Variants in HSP90B1 observed in about 807,000 individuals in gnomAD.
HSP90B1 encodes the protein heat shock protein 90 beta family member 1, also known as endoplasmin.
In HSP90B1, 27 loss-of-function variants were observed where a neutral mutation model predicts 100.4. That is an observed-to-expected ratio of 0.27 (90% CI 0.20 to 0.37). The LOEUF (loss-of-function observed/expected upper bound fraction) is 0.37, where lower values mean the gene tolerates loss of function less well. Among genes scored for constraint, HSP90B1 ranks in the 10% least tolerant of loss-of-function variants. HSP90B1 has a pLI of 1.00. For synonymous variants in HSP90B1, 304 were observed against 330.8 expected, an observed-to-expected ratio of 0.92 and a Z score of 0.88; for missense variants, 678 against 960.5, an observed-to-expected ratio of 0.71 and a Z score of 3.89.
intron 5 of HSP90B1, among the ~76,000 whole-genome samples, chr12:103,937,244 A>C (rs1465311175): frequency 6.6e-6 from 1 of 152,234 alleles, no homozygotes; most frequent in Non-Finnish European, 1.5e-5. Context: ...GATAGTGCAG[A>C]TATAAATATA....
chr12:103,946,610 CTT>C lies in HSP90B1; in HGVS notation c.2028-7_2028-6del. On this transcript the variant is annotated splice_region_variant and splice_polypyrimidine_tract_variant and intron_variant, in intron 14 of 17. Coordinates refer to ENST00000299767, the MANE Select transcript of HSP90B1 (RefSeq NM_003299.3). ...GTTTTGTTAATGTTCATTTTTATCT[CTT>C]AACAGTTACTATGCGAGTCAGAAGA... is the stretch of plus-strand genomic sequence containing the variant. The C allele has an allele frequency of 6.2e-7, 1 of 1,602,004 alleles. No individual in the cohort carries two copies. The highest frequency in any genetic ancestry group is 8.6e-7 in the Non-Finnish European group (1 of 1,169,488).
rs3794243 is a variant in HSP90B1 at position 103,930,840 on chromosome 12, G to A, written c.49+276G>A. Among the ~76,000 whole-genome samples the A allele has an allele frequency of 6.0e-4, 91 of 152,130 alleles. 7 individuals are homozygous for A. The East Asian group carries it at 0.016, about 26-fold the overall frequency. On this transcript the variant is annotated intron_variant, in intron 1 of 17. Transcript: ENST00000299767. The surrounding 1 kb of genome is among the most constrained non-coding windows in gnomAD (Gnocchi z 4.4). ...GGGGTGGGGCCTCTCTGAGGCTCTG[G>A]CTCCCCCGGGAGCTGTGCGAGTCCC...
At chr12:103,938,598 G>C in intron 7 of HSP90B1, 139 bp downstream of exon 7, 1 of 900,366 alleles carries the variant, frequency 1.1e-6, no homozygotes, top group East Asian at 2.6e-5. Context: ...TTTAAAATAA[G>C]GCCTTTGTTT....
In HSP90B1 at chr12:103,943,230, A is replaced by C; in HGVS notation, c.1801A>C (p.Ser601Arg). 1 of 1,614,228 alleles carries C rather than the reference A, an allele frequency of 6.2e-7. No homozygotes were observed. Among genetic ancestry groups the C allele is most frequent in the Non-Finnish European group, 8.5e-7 (1 of 1,180,034 alleles). The change falls in exon 13 of 18, where the codon AGT (serine) becomes CGT (arginine). Residue 601 changes from serine to arginine, a missense_variant. Around this residue, in one of 8 missense-constraint regions of HSP90B1, gnomAD observed 170 missense variants for 236.7 expected, o/e 0.72. Coordinates refer to ENST00000299767, the MANE Select transcript of HSP90B1 (RefSeq NM_003299.3). The surrounding 1 kb of genome is among the most constrained non-coding windows in gnomAD (Gnocchi z 5.3). ...VAKEGVKFDE[S>R]EKTKESREAV... ...CAAGGAAGGAGTGAAGTTCGATGAAAGTGAGAAAACTAAGGAGAGTCGTGA... is the reference window on the plus strand; with the variant it reads ...CAAGGAAGGAGTGAAGTTCGATGAACGTGAGAAAACTAAGGAGAGTCGTGA...
chr12:103,941,868 G>C lies in HSP90B1; in HGVS notation c.1345G>C (p.Glu449Gln). ...TGATCTCCCCTTGAATGTTTCCCGC[G>C]AGACTCTTCAGCAACATAAACTGCT... is the stretch of plus-strand genomic sequence containing the variant. Reference protein sequence around the residue: ...SDDLPLNVSRETLQQHKLLKV... With the variant: ...SDDLPLNVSRQTLQQHKLLKV... The change falls in exon 11 of 18, where the codon GAG becomes CAG. Residue 449 changes from glutamate (E) to glutamine (Q), a missense_variant. This residue lies in a region of HSP90B1 where 44 missense variants were observed against 110.8 expected (regional missense o/e 0.40). Transcript: ENST00000299767. 1 of 1,613,906 alleles carries C rather than the reference G, an allele frequency of 6.2e-7. No individual in the cohort carries two copies. The highest frequency in any genetic ancestry group is 8.5e-7 in the Non-Finnish European group (1 of 1,179,886).
chr12:103,941,424 C>T lies in HSP90B1; in HGVS notation c.1107C>T (p.Pro369=). The T allele has an allele frequency of 6.2e-7, 1 of 1,612,364 alleles. No individual in the cohort carries two copies. ...ACTTTCCACAGGAAAGTGATGACCCCATGGCTTATATTCACTTTACTGCTG... is the reference window on the plus strand; with the variant it reads ...ACTTTCCACAGGAAAGTGATGACCCTATGGCTTATATTCACTTTACTGCTG... The part of the protein sequence containing the change: ...YKSFSKESDD[P]MAYIHFTAEG... The change falls in exon 9 of 18, where the codon CCC becomes CCT. Residue 369 remains proline, a synonymous_variant. Coordinates refer to ENST00000299767, the MANE Select transcript of HSP90B1 (RefSeq NM_003299.3).
chr12:103,932,629 C>T (rs563904158), intron 3 of HSP90B1, among the ~76,000 whole-genome samples, 197 bp from the exon 4 acceptor site: 4 of 152,262 alleles, frequency 2.6e-5, no homozygotes, highest in Admixed American at 2.0e-4. Context: ...AATAGGTTCA[C>T]GGCCTGATAA....
rs1870022328 is a variant in HSP90B1, at chr12:103,939,698, A to G, written c.1092+73A>G. The G allele has an allele frequency of 8.5e-6, 6 of 708,200 alleles. No homozygotes were observed. The East Asian group carries it at 1.4e-4, about 17-fold the overall frequency. 43.9% of individuals were successfully genotyped at this position (708,200 alleles called of 1,614,324 possible). A position where few individuals can be genotyped will look rare whatever the true frequency, so the allele number is the denominator to read the frequency against. ...AATATCACCCTCTTAGTTTAATTGT[A>G]TATGGTATGTGACCATGAATATGAG... On this transcript the variant is annotated intron_variant, in intron 8 of 17. Transcript: ENST00000299767.
Position 103,943,497 on chromosome 12 carries a change from A to G in HSP90B1, c.1890+178A>G, listed in dbSNP as rs1015775893. On this transcript the variant is annotated intron_variant, in intron 13 of 17. Coordinates refer to ENST00000299767, the MANE Select transcript of HSP90B1 (RefSeq NM_003299.3). The surrounding 1 kb of genome is among the most constrained non-coding windows in gnomAD (Gnocchi z 5.3). ...AACTTTCGACAATACTGCTTTGTTA[A>G]TAACTTGTTACAAATTAAATTTTAT... 2.9e-6 allele frequency: 2 copies of G among 697,082 alleles called. No homozygotes were observed. The highest frequency in any genetic ancestry group is 2.2e-5 in the South Asian group (1 of 46,298). 43.2% of individuals were successfully genotyped at this position (697,082 alleles called of 1,614,324 possible).
At chr12:103,936,400 G>A (rs187434964) in intron 5 of HSP90B1, among the ~76,000 whole-genome samples, 17 of 152,148 alleles carry the variant, frequency 1.1e-4, no homozygotes, top group Admixed American at 6.5e-4. Context: ...CCAGCACCTC[G>A]GGAGGCTGAG....
rs200512715 is a variant in HSP90B1 at position 103,947,673 on chromosome 12, C to T, written c.*11C>T. 369 of 1,593,096 alleles carry T rather than the reference C, an allele frequency of 2.3e-4. No individual in the cohort carries two copies. Among genetic ancestry groups the T allele is most frequent in the African/African-American group, 1.3e-3 (100 of 74,392 alleles). ...AAAGATGAATTGTAAATTATACTCT[C>T]ACCATTTGGATCCTGTGTGGAGAGG... is the stretch of plus-strand genomic sequence containing the variant. On this transcript the variant is annotated 3_prime_UTR_variant, in exon 18 of 18. Coordinates refer to ENST00000299767, the MANE Select transcript of HSP90B1 (RefSeq NM_003299.3).
At chr12:103,934,362 C>T in intron 5 of HSP90B1, 75 bp downstream of exon 5, 1 of 1,167,806 alleles carries the variant, frequency 8.6e-7, no homozygotes, top group Non-Finnish European at 1.2e-6. Flanking sequence ...ATTCTCTGAG[C>T]AAATGACTTA....
At chr12:103,939,025 A>C (rs1870001105) in intron 7 of HSP90B1, among the ~76,000 whole-genome samples, 1 of 152,166 alleles carries the variant, frequency 6.6e-6, no homozygotes, top group Non-Finnish European at 1.5e-5. Flanking sequence ...TTTGAATTAA[A>C]TATTGAGAAA....
intron 5 of HSP90B1, among the ~76,000 whole-genome samples, chr12:103,935,242 C>T (rs748716090): frequency 9.2e-5 from 14 of 152,078 alleles, no homozygotes; most frequent in Non-Finnish European, 1.8e-4. Flanking sequence ...AATTAAGATC[C>T]CTCTTAAGCC....
chr12:103,947,801 G>A lies in HSP90B1; in HGVS notation c.*139G>A. ...TAAAATGTGGGATTATGGGTCACAGGAAAAAGTGGGTTTTTTAGTTGAATT... is the reference window on the plus strand; with the variant it reads ...TAAAATGTGGGATTATGGGTCACAGAAAAAAGTGGGTTTTTTAGTTGAATT... On this transcript the variant is annotated 3_prime_UTR_variant, in exon 18 of 18. Coordinates refer to ENST00000299767, the MANE Select transcript of HSP90B1 (RefSeq NM_003299.3). The A allele has an allele frequency of 1.3e-6, 1 of 757,854 alleles. No individual in the cohort carries two copies. The allele number at this position is 757,854 out of a possible 1,614,324, so 46.9% of individuals were successfully genotyped here. A position where few individuals can be genotyped will look rare whatever the true frequency, so the allele number is the denominator to read the frequency against.
At chr12:103,945,783 C>T (rs1045013886) in intron 14 of HSP90B1, among the ~76,000 whole-genome samples, 2 of 152,172 alleles carry the variant, frequency 1.3e-5, no homozygotes, top group South Asian at 2.1e-4. Flanking sequence ...CCCACCTCCC[C>T]GTTAAAAGGG....
rs563743925 is a variant in HSP90B1 at position 103,947,726 on chromosome 12, T to C, written c.*64T>C. The stretch of plus-strand genomic sequence containing the variant: ...ATGTGAAATTTACATCATTTCTTTT[T>C]GGGAGAGACTTGTTTTGGATGCCCC... On this transcript the variant is annotated 3_prime_UTR_variant, in exon 18 of 18. Transcript: ENST00000299767. 9 of 1,380,950 alleles carry C rather than the reference T, an allele frequency of 6.5e-6. No individual in the cohort carries two copies. The South Asian group carries it at 9.3e-5, about 14-fold the overall frequency. 85.5% of individuals were successfully genotyped at this position (1,380,950 alleles called of 1,614,324 possible).
chr12:103,937,970 C>T (rs1377812644), intron 6 of HSP90B1, among the ~76,000 whole-genome samples, 164 bp downstream of exon 6: 1 of 152,070 alleles, frequency 6.6e-6, no homozygotes, highest in Non-Finnish European at 1.5e-5. Context: ...AGTTCGAGAC[C>T]AGCCTGGCCA....
Position 103,947,728 on chromosome 12 carries a change from G to A in HSP90B1, c.*66G>A. Reference sequence around the variant, plus strand: ...GTGAAATTTACATCATTTCTTTTTGGGAGAGACTTGTTTTGGATGCCCCCT... The same window carrying A: ...GTGAAATTTACATCATTTCTTTTTGAGAGAGACTTGTTTTGGATGCCCCCT... On this transcript the variant is annotated 3_prime_UTR_variant, in exon 18 of 18. Transcript: ENST00000299767. 1.5e-6 allele frequency: 2 copies of A among 1,373,452 alleles called. No homozygotes were observed. Among genetic ancestry groups the A allele is most frequent in the Non-Finnish European group, 2.1e-6 (2 of 961,394 alleles). The allele number at this position is 1,373,452 out of a possible 1,614,324, so 85.1% of individuals were successfully genotyped here. A position where few individuals can be genotyped will look rare whatever the true frequency, so the allele number is the denominator to read the frequency against.
Sources: allele counts gnomAD v4.1 joint callset (sites outside exome capture counted in the v4.1 genomes callset), GRCh38; gene constraint gnomAD v4.1.1; regional missense constraint gnomAD v4.1.1; non-coding constraint Gnocchi (gnomAD v3.1); transcripts MANE v1.5; gene names NCBI Gene and HGNC (gene_info 2026-07-23, HGNC 2026-07-21).